The following FLT1 variants were observed in gnomAD, a reference collection of about 807,000 sequenced individuals.
FLT1 encodes vascular endothelial growth factor receptor 1.
FLT1 carries 49 observed loss-of-function variants against 156.3 expected under a neutral mutation model. That is an observed-to-expected ratio of 0.31 (90% confidence interval 0.25 to 0.40). The LOEUF (loss-of-function observed/expected upper bound fraction) is 0.40. Ranked by LOEUF, FLT1 falls within the 10% of genes least tolerant of loss-of-function variation. FLT1 has a pLI of 1.00. For missense variants in FLT1, 1,322 were observed against 1,637.2 expected (o/e 0.81, Z 3.32); for synonymous variants, 594 against 583.8 (o/e 1.02, Z -0.25).
intron 29 of FLT1, 106 bp downstream of exon 29, chr13:28,306,572 A>G: frequency 9.7e-6 from 8 of 826,002 alleles, no homozygotes; most frequent in Non-Finnish European, 1.7e-5. Flanking sequence ...ACCACAGTTC[A>G]GGAGGGCAAG....
chr13:28,352,355 C>T (rs975949425), intron 15 of FLT1, among the ~76,000 whole-genome samples: 4 of 152,258 alleles, frequency 2.6e-5, no homozygotes, highest in Middle Eastern at 3.4e-3. Flanking sequence ...GTTCTATAAG[C>T]GCAAGATATT....
In FLT1 at chr13:28,495,065, C is replaced by T; in HGVS notation, c.-222G>A. The T allele has an allele frequency of 2.1e-6, 1 of 470,566 alleles. No individual in the cohort carries two copies. Among genetic ancestry groups the T allele is most frequent in the Non-Finnish European group, 3.7e-6 (1 of 271,194 alleles). 29.1% of individuals were successfully genotyped at this position (470,566 alleles called of 1,614,324 possible). On this transcript the variant is annotated 5_prime_UTR_variant, in exon 1 of 30. Coordinates refer to ENST00000282397, the MANE Select transcript of FLT1 (RefSeq NM_002019.4). The surrounding 1 kb of genome is among the most constrained non-coding windows in gnomAD (Gnocchi z 4.1). ...CGGAGCCCGCTCCGAGCCGCCGCCG[C>T]TGCCGGGGAGGAGCCGAGAGGAGTG...
At chr13:28,417,044 G>A (rs1187987526) in intron 10 of FLT1, among the ~76,000 whole-genome samples, 1 of 152,118 alleles carries the variant, frequency 6.6e-6, no homozygotes, top group Non-Finnish European at 1.5e-5. Context: ...AGTGCCACAG[G>A]TAGAAGACCA....
chr13:28,309,881 T>C (rs1465539867), intron 27 of FLT1, among the ~76,000 whole-genome samples: 2 of 118,950 alleles, frequency 1.7e-5, no homozygotes, highest in Non-Finnish European at 3.4e-5. Flanking sequence ...ATTTTCTTTT[T>C]TCCTTTTTTT....
intron 27 of FLT1, among the ~76,000 whole-genome samples, chr13:28,310,675 C>T (rs568914616): frequency 5.3e-5 from 8 of 152,302 alleles, no homozygotes; most frequent in Admixed American, 2.0e-4. Flanking sequence ...CTCCAATTCC[C>T]TCTGCAGTAA....
At chr13:28,331,733 C>CT (rs1365770809) in intron 18 of FLT1, among the ~76,000 whole-genome samples, 2 of 152,138 alleles carry the variant, frequency 1.3e-5, no homozygotes, top group South Asian at 2.1e-4. Flanking sequence ...CGGGCCATGC[C>CT]TTTTTTCTAT....
intron 22 of FLT1, among the ~76,000 whole-genome samples, chr13:28,321,826 GT>G (rs1476166083): frequency 6.6e-6 from 1 of 152,250 alleles, no homozygotes; most frequent in Non-Finnish European, 1.5e-5. Flanking sequence ...AGCGAAGCTG[GT>G]TATCTAAGAT....
intron 10 of FLT1, among the ~76,000 whole-genome samples, chr13:28,411,156 C>T (rs1876145510): frequency 6.6e-6 from 1 of 152,060 alleles, no homozygotes; most frequent in Admixed American, 6.6e-5. Context: ...TTTATAGTTA[C>T]ATTTTTGGCA....
chr13:28,425,783 C>T (rs114076410), intron 10 of FLT1, among the ~76,000 whole-genome samples: 32 of 152,010 alleles, frequency 2.1e-4, no homozygotes, highest in African/African-American at 7.7e-4. Flanking sequence ...AGACCCTAAA[C>T]GGATGGGTCG....
chr13:28,407,168 C>T (rs1456181291), intron 10 of FLT1, among the ~76,000 whole-genome samples: 2 of 152,136 alleles, frequency 1.3e-5, no homozygotes, highest in South Asian at 2.1e-4. Flanking sequence ...AGCATGCCGT[C>T]GGCGCCCCAT....
intron 14 of FLT1, 98 bp from the exon 15 acceptor site, chr13:28,357,783 A>T (rs578155136): frequency 8.6e-7 from 1 of 1,162,468 alleles, no homozygotes; most frequent in East Asian, 2.4e-5. Context: ...ATGCATTCAG[A>T]CAAGGAAATC....
intron 14 of FLT1, among the ~76,000 whole-genome samples, chr13:28,367,069 G>A (rs545566721): frequency 5.3e-5 from 8 of 152,268 alleles, no homozygotes; most frequent in Admixed American, 1.3e-4. Context: ...CAATATTTGC[G>A]GAATATGATG....
intron 1 of FLT1, among the ~76,000 whole-genome samples, chr13:28,478,007 T>C (rs1880646057): frequency 6.6e-6 from 1 of 152,218 alleles, no homozygotes; most frequent in Non-Finnish European, 1.5e-5. Context: ...TTTAAATTAG[T>C]TTGTTAATTT....
In FLT1 at chr13:28,447,964, T is replaced by C. The variant is rs1878712309; in HGVS notation, c.389-9619A>G. Among the ~76,000 whole-genome samples the C allele has an allele frequency of 2.0e-5, 3 of 151,952 alleles. No homozygotes were observed. The South Asian group carries it at 6.2e-4, about 31-fold the overall frequency. On this transcript the variant is annotated intron_variant, in intron 3 of 29. Coordinates refer to ENST00000282397, the MANE Select transcript of FLT1 (RefSeq NM_002019.4). ...AATGGGAAAAGGATCTGAACTGACA[T>C]TTACCCAAAGAAGATAAACAAGCAG...
chr13:28,418,745 A>G (rs1018489299), intron 10 of FLT1, among the ~76,000 whole-genome samples: 1 of 151,708 alleles, frequency 6.6e-6, no homozygotes, highest in Non-Finnish European at 1.5e-5. Flanking sequence ...TTTTATTTTT[A>G]TCTTTTTGTA....
chr13:28,418,968 G>A (rs572811008), intron 10 of FLT1, among the ~76,000 whole-genome samples: 4 of 152,272 alleles, frequency 2.6e-5, no homozygotes, highest in Admixed American at 6.5e-5. Context: ...TCACCATTCC[G>A]TAAAACTGTT....
chr13:28,398,458 TTCTC>T (rs1389895524), intron 11 of FLT1, among the ~76,000 whole-genome samples: 3 of 152,236 alleles, frequency 2.0e-5, no homozygotes, highest in African/African-American at 7.2e-5. Context: ...TTTAGTTGTG[TTCTC>T]TTATCCCATC....
chr13:28,309,529 C>T (rs1230799545), intron 27 of FLT1, among the ~76,000 whole-genome samples: 4 of 152,116 alleles, frequency 2.6e-5, no homozygotes, highest in African/African-American at 7.2e-5. Context: ...AAGGCAAGTT[C>T]ACCTACTGAC....
chr13:28,483,321 T>C (rs188666475), intron 1 of FLT1, among the ~76,000 whole-genome samples: 1 of 152,322 alleles, frequency 6.6e-6, no homozygotes, highest in Admixed American at 6.5e-5. Context: ...ATTTTTGGTT[T>C]CTCTAATGCC....
Sources: gnomAD v4.1 joint callset for allele counts (sites outside exome capture counted in the v4.1 genomes callset) on GRCh38, gnomAD v4.1.1 for gene constraint, Gnocchi (gnomAD v3.1) non-coding constraint, MANE v1.5 for transcripts, NCBI Gene and HGNC (gene_info 2026-07-23, HGNC 2026-07-21) for gene names.